Variants in GRIA4 observed in about 807,000 individuals in gnomAD.
GRIA4 encodes the protein glutamate ionotropic receptor AMPA type subunit 4, also known as glutamate receptor 4.
GRIA4 carries 34 observed loss-of-function variants against 104.0 expected under a neutral mutation model. The ratio of observed to expected loss-of-function variants is 0.33; its 90% CI spans 0.25 to 0.44. GRIA4 has a LOEUF of 0.44. Ranked by LOEUF, GRIA4 falls within the 20% of genes least tolerant of loss-of-function variation. The pLI, the probability that GRIA4 is intolerant of heterozygous loss-of-function variation, is 1.00. For missense variants in GRIA4, 750 were observed against 1,096.5 expected, an observed-to-expected ratio of 0.68 and a Z score of 4.46; for synonymous variants, 386 against 381.9, an observed-to-expected ratio of 1.01 and a Z score of -0.13.
rs563247172 is a variant in GRIA4 at position 105,746,807 on chromosome 11, C to A, written c.248-6174C>A. ...CTAAGAAACAGAAAAATTTAGACAACAGGAGCAGGTACTGTAGCTTCCCTT... is the reference window on the plus strand; with the variant it reads ...CTAAGAAACAGAAAAATTTAGACAAAAGGAGCAGGTACTGTAGCTTCCCTT... On this transcript the variant is annotated intron_variant, in intron 3 of 16. Transcript: ENST00000282499. 6.2e-4 allele frequency among the ~76,000 whole-genome samples: 94 copies of A among 152,076 alleles called. 1 individual carries two copies. The highest frequency in any genetic ancestry group is 2.2e-3 in the African/African-American group (91 of 41,470).
At chr11:105,634,682 A>T (rs992233232) in intron 3 of GRIA4, among the ~76,000 whole-genome samples, 15 of 152,252 alleles carry the variant, frequency 9.9e-5, no homozygotes, top group African/African-American at 3.4e-4. Flanking sequence ...TTTACAAATT[A>T]TATGATTTTT....
At chr11:105,852,429 T>A (rs1944845472) in intron 4 of GRIA4, among the ~76,000 whole-genome samples, 1 of 152,146 alleles carries the variant, frequency 6.6e-6, no homozygotes, top group African/African-American at 2.4e-5. Context: ...ATCTTCTTCA[T>A]TACATAGAAA....
At chr11:105,653,390 A>G (rs1951738654) in intron 3 of GRIA4, among the ~76,000 whole-genome samples, 1 of 152,184 alleles carries the variant, frequency 6.6e-6, no homozygotes, top group African/African-American at 2.4e-5. Flanking sequence ...TAACTCAGAA[A>G]GCTACTGAGT....
chr11:105,915,057 T>C (rs766730677), intron 10 of GRIA4, among the ~76,000 whole-genome samples: 3 of 152,198 alleles, frequency 2.0e-5, no homozygotes, highest in African/African-American at 4.8e-5. Context: ...GAGTATTTGC[T>C]ACTCTTTTGG....
intron 3 of GRIA4, among the ~76,000 whole-genome samples, chr11:105,679,401 T>A (rs1952640494): frequency 6.6e-6 from 1 of 152,090 alleles, no homozygotes; most frequent in Admixed American, 6.6e-5. Context: ...ACTATCTGAG[T>A]CCACCACATG....
intron 4 of GRIA4, among the ~76,000 whole-genome samples, chr11:105,799,509 G>C (rs570307618): frequency 3.3e-5 from 5 of 152,072 alleles, no homozygotes; most frequent in African/African-American, 1.2e-4. Context: ...AGACAGAGGA[G>C]AGACTATCTG....
At chr11:105,918,959 C>A in intron 11 of GRIA4, 41 bp downstream of exon 11, 1 of 1,158,330 alleles carries the variant, frequency 8.6e-7, no homozygotes, top group Non-Finnish European at 1.3e-6. Flanking sequence ...TTACATACAC[C>A]TGAAACTTCT....
chr11:105,811,742 C>T (rs968760967), intron 4 of GRIA4, among the ~76,000 whole-genome samples: 83 of 152,272 alleles, frequency 5.5e-4, no homozygotes, highest in African/African-American at 2.0e-3. Flanking sequence ...AATTCAAATT[C>T]ACCTGAGCAT....
At chr11:105,643,353 C>A (rs1405611395) in intron 3 of GRIA4, among the ~76,000 whole-genome samples, 1 of 152,082 alleles carries the variant, frequency 6.6e-6, no homozygotes, top group Non-Finnish European at 1.5e-5. Flanking sequence ...AGGAGAAGAT[C>A]CTATAGGATT....
chr11:105,892,747 T>C (rs781388083), intron 6 of GRIA4, among the ~76,000 whole-genome samples: 1 of 152,298 alleles, frequency 6.6e-6, no homozygotes, highest in Non-Finnish European at 1.5e-5. Flanking sequence ...TCTATCTACA[T>C]GCATATGAAA....
At chr11:105,805,597 G>A (rs1591285257) in intron 4 of GRIA4, among the ~76,000 whole-genome samples, 1 of 151,216 alleles carries the variant, frequency 6.6e-6, no homozygotes, top group African/African-American at 2.4e-5. Context: ...CTAAATGACT[G>A]AATTAGCATA....
At chr11:105,794,793 A>G (rs1942413413) in intron 4 of GRIA4, among the ~76,000 whole-genome samples, 1 of 151,664 alleles carries the variant, frequency 6.6e-6, no homozygotes, top group Non-Finnish European at 1.5e-5. Flanking sequence ...TTACATCTTA[A>G]TTACATCTTT....
rs749922258 is a variant in GRIA4, at chr11:105,688,103, CATATCTATATCT to C, written c.248-64835_248-64824del. On this transcript the variant is annotated intron_variant, in intron 3 of 16. Transcript: ENST00000282499. ...TCTCAAATATTCTCTCTCTCTGTCT[CATATCTATATCT>C]ATATCTATATCTATATCTATATCTA... Among the ~76,000 whole-genome samples the C allele has an allele frequency of 5.9e-3, 765 of 129,614 alleles. 8 individuals are homozygous for C. Among genetic ancestry groups the C allele is most frequent in the African/African-American group, 0.018 (646 of 35,692 alleles). The allele number at this position is 129,614 out of a possible 152,430, so 85.0% of individuals were successfully genotyped here.
At chr11:105,864,608 C>T (rs1036636616) in intron 5 of GRIA4, among the ~76,000 whole-genome samples, 2 of 152,108 alleles carry the variant, frequency 1.3e-5, no homozygotes, top group Non-Finnish European at 2.9e-5. Context: ...TGGTGGCTCA[C>T]GCCTGTAATC....
intron 4 of GRIA4, among the ~76,000 whole-genome samples, chr11:105,754,894 T>C (rs1940211320): frequency 6.6e-6 from 1 of 152,230 alleles, no homozygotes; most frequent in South Asian, 2.1e-4. Flanking sequence ...TCAATAAATT[T>C]TGTAATATTA....
chr11:105,769,610 G>A (rs1411174774), intron 4 of GRIA4, among the ~76,000 whole-genome samples: 2 of 151,962 alleles, frequency 1.3e-5, no homozygotes, highest in East Asian at 3.9e-4. Flanking sequence ...GCTCTAGATG[G>A]GGGGCAGGGG....
In GRIA4 at chr11:105,966,068, C is replaced by T. The variant is rs761371624; in HGVS notation, c.2295-5846C>T. On this transcript the variant is annotated intron_variant, in intron 14 of 16. Transcript: ENST00000282499. ...CGGGGGAGGTGACTCCAAGGTTAGCCTCAATGTCACCAAAAGCGGGTAAAC... is the reference window on the plus strand; with the variant it reads ...CGGGGGAGGTGACTCCAAGGTTAGCTTCAATGTCACCAAAAGCGGGTAAAC... 6 of 1,568,016 alleles carry T rather than the reference C, an allele frequency of 3.8e-6. No homozygotes were observed. In the Admixed American group the frequency reaches 6.7e-5, roughly 17 times the overall value.
chr11:105,698,771 A>G (rs938355656), intron 3 of GRIA4, among the ~76,000 whole-genome samples: 3 of 152,204 alleles, frequency 2.0e-5, no homozygotes, highest in Non-Finnish European at 4.4e-5. Flanking sequence ...GACACTAGAC[A>G]CTAATTATGA....
At chr11:105,646,719 T>A (rs1951540605) in intron 3 of GRIA4, among the ~76,000 whole-genome samples, 1 of 152,216 alleles carries the variant, frequency 6.6e-6, no homozygotes, top group Non-Finnish European at 1.5e-5. Flanking sequence ...TAAATGGTGT[T>A]GGGATAACTG....
Sources: allele counts gnomAD v4.1 joint callset (sites outside exome capture counted in the v4.1 genomes callset), GRCh38; gene constraint gnomAD v4.1.1; transcripts MANE v1.5; gene names NCBI Gene and HGNC (gene_info 2026-07-23, HGNC 2026-07-21).